The following DAB1 variants were observed in gnomAD, a reference collection of about 807,000 sequenced individuals.
DAB1 encodes DAB adaptor protein 1, also known as disabled homolog 1.
A neutral mutation model predicts 64.6 loss-of-function variants in DAB1; 15 were observed. That is an observed-to-expected ratio of 0.23 (90% CI 0.16 to 0.36). The LOEUF (loss-of-function observed/expected upper bound fraction) is 0.36, where lower values mean the gene tolerates loss of function less well. DAB1 is among the 10% of genes least tolerant of loss of function. The probability of loss-of-function intolerance (pLI) is 1.00; values close to 1 mark genes in which losing one functional copy is unlikely to be tolerated. For missense variants in DAB1, 596 were observed against 706.7 expected (o/e 0.84, Z 1.78); for synonymous variants, 235 against 251.9 (o/e 0.93, Z 0.64).
intron 5 of DAB1, among the ~76,000 whole-genome samples, chr1:58,039,659 TC>T (rs1198232800): frequency 6.6e-6 from 1 of 152,040 alleles, no homozygotes; most frequent in Non-Finnish European, 1.5e-5. Context: ...GACTTTGGCC[TC>T]TCCCCAAGTC....
intron 1 of DAB1, among the ~76,000 whole-genome samples, chr1:57,333,048 C>G (rs920235151): frequency 2.0e-5 from 3 of 152,170 alleles, no homozygotes; most frequent in Admixed American, 2.0e-4. Context: ...AGAGGTCATC[C>G]CCAAGTACAC....
At chr1:57,647,701 A>T (rs2101650905) in intron 7 of DAB1, among the ~76,000 whole-genome samples, 1 of 152,350 alleles carries the variant, frequency 6.6e-6, no homozygotes, top group African/African-American at 2.4e-5. Flanking sequence ...CCCAGATGTT[A>T]TTTCCATCCT....
intron 2 of DAB1, among the ~76,000 whole-genome samples, chr1:57,176,261 A>C (rs1246871870): frequency 6.6e-6 from 1 of 152,110 alleles, no homozygotes; most frequent in African/African-American, 2.4e-5. Flanking sequence ...GGCAATTTAC[A>C]ATTGAAAGAG....
At position 57,699,579 on chromosome 1, in the gene DAB1, TAGA is replaced by T. The variant is rs1419165176; in HGVS notation, n.552-49917_552-49915del. Among the ~76,000 whole-genome samples the T allele has an allele frequency of 5.9e-5, 9 of 152,264 alleles. No homozygotes were observed. The East Asian group carries it at 1.4e-3, about 23-fold the overall frequency. On this transcript the variant is annotated intron_variant and non_coding_transcript_variant, in intron 6 of 20. Coordinates refer to the DAB1 transcript ENST00000485760. ...GACAAAATGCAGAGATGTTGTTTTA[TAGA>T]AGAAGTGACTCTAACTTACAGAGGA...
intron 3 of DAB1, among the ~76,000 whole-genome samples, chr1:58,470,372 C>T (rs1217182799): frequency 6.6e-6 from 1 of 151,930 alleles, no homozygotes; most frequent in East Asian, 1.9e-4. Context: ...TGGGGTTTTG[C>T]CATGTTTCCC....
chr1:58,309,081 T>G (rs1033638417), intron 4 of DAB1, among the ~76,000 whole-genome samples: 2 of 152,166 alleles, frequency 1.3e-5, no homozygotes, highest in Non-Finnish European at 1.5e-5. Flanking sequence ...AAGCTTAGCC[T>G]TAGAGCCTCT....
At chr1:58,323,730 CCTGG>C (rs1338487418) in intron 4 of DAB1, among the ~76,000 whole-genome samples, 1 of 151,898 alleles carries the variant, frequency 6.6e-6, no homozygotes, top group Non-Finnish European at 1.5e-5. Flanking sequence ...TCGAGACCAT[CCTGG>C]CTAACACGGT....
chr1:58,147,345 G>A (rs1383825592), intron 5 of DAB1, among the ~76,000 whole-genome samples: 2 of 143,616 alleles, frequency 1.4e-5, no homozygotes, highest in African/African-American at 2.6e-5. Context: ...CACGCCAGGC[G>A]TGGTGGCTCA....
rs4557995 is a variant in DAB1, at chr1:57,319,293, T to G, written c.-136-28127A>C. Among the ~76,000 whole-genome samples, 585 of 152,258 alleles carry G rather than the reference T, an allele frequency of 3.8e-3. 5 individuals are homozygous for G. Among genetic ancestry groups the G allele is most frequent in the African/African-American group, 0.013 (559 of 41,552 alleles). On this transcript the variant is annotated intron_variant, in intron 1 of 14. Coordinates refer to ENST00000371236, the MANE Select transcript of DAB1 (RefSeq NM_001365792.1). ...TGGTCCAGCTCCCAAAAGGATGCATTGGTACCAGCAGCTGAGGATTGGGGG... is the reference window on the plus strand; with the variant it reads ...TGGTCCAGCTCCCAAAAGGATGCATGGGTACCAGCAGCTGAGGATTGGGGG...
intron 3 of DAB1, among the ~76,000 whole-genome samples, chr1:58,424,524 C>A (rs1285754243): frequency 6.6e-6 from 1 of 152,202 alleles, no homozygotes; most frequent in Non-Finnish European, 1.5e-5. Context: ...TCCAGGAGAA[C>A]ATGGTCCAAA....
intron 5 of DAB1, among the ~76,000 whole-genome samples, chr1:58,095,756 A>C (rs1348267739): frequency 6.6e-6 from 1 of 152,224 alleles, no homozygotes; most frequent in Non-Finnish European, 1.5e-5. Context: ...CAGCTTTTAC[A>C]TAGAAGTTGA....
chr1:57,513,818 C>T (rs886215024), intron 7 of DAB1, among the ~76,000 whole-genome samples: 4 of 152,116 alleles, frequency 2.6e-5, no homozygotes, highest in Non-Finnish European at 5.9e-5. Context: ...ATTTTGTGTT[C>T]TTTGACCAAT....
intron 4 of DAB1, among the ~76,000 whole-genome samples, chr1:57,085,453 G>A (rs1159096314): frequency 6.6e-6 from 1 of 152,220 alleles, no homozygotes; most frequent in Non-Finnish European, 1.5e-5. Flanking sequence ...GCCCAGCTCT[G>A]ATGTGCCCCC....
At chr1:58,356,980 T>C (rs1204133853) in intron 3 of DAB1, among the ~76,000 whole-genome samples, 2 of 148,440 alleles carry the variant, frequency 1.3e-5, no homozygotes, top group Non-Finnish European at 3.0e-5. Context: ...GAGCCGTGAT[T>C]GTACCACTTC....
Position 57,333,484 on chromosome 1 carries a change from T to G in DAB1, c.-136-42318A>C, listed in dbSNP as rs183724468. ...CTGGGCACATTAAATGCCCCACACA[T>G]GCTTGTTCCTTCCTATTCTTATTTC... On this transcript the variant is annotated intron_variant, in intron 1 of 14. Transcript: ENST00000371236. Among the ~76,000 whole-genome samples the G allele has an allele frequency of 4.8e-4, 73 of 152,384 alleles. No homozygotes were observed. The East Asian group carries it at 6.9e-3, about 14-fold the overall frequency.
chr1:58,398,233 C>T (rs774801133), intron 3 of DAB1, among the ~76,000 whole-genome samples: 6 of 152,230 alleles, frequency 3.9e-5, no homozygotes, highest in Non-Finnish European at 8.8e-5. Context: ...CTATACTCTT[C>T]ATTCCTGCCA....
intron 4 of DAB1, among the ~76,000 whole-genome samples, chr1:58,245,193 C>A (rs1660474269): frequency 6.6e-6 from 1 of 152,166 alleles, no homozygotes; most frequent in Non-Finnish European, 1.5e-5. Flanking sequence ...TGAGTGTCAG[C>A]AAACCCCCCG....
intron 3 of DAB1, among the ~76,000 whole-genome samples, chr1:58,424,419 C>T (rs1156887372): frequency 6.6e-6 from 1 of 152,170 alleles, no homozygotes. Flanking sequence ...GTCAAACTGA[C>T]ACATAAAATG....
At chr1:58,534,208 A>C (rs372804595) in intron 1 of DAB1, 1 of 871,758 alleles carries the variant, frequency 1.1e-6, no homozygotes, top group Non-Finnish European at 2.0e-6. Context: ...TGAATAACCC[A>C]ATTGATCTGA....
Sources: gnomAD v4.1 joint callset for allele counts (sites outside exome capture counted in the v4.1 genomes callset) on GRCh38, gnomAD v4.1.1 for gene constraint, MANE v1.5 for transcripts, NCBI Gene and HGNC (gene_info 2026-07-23, HGNC 2026-07-21) for gene names.